SPAG16: variants seen among roughly 807,000 people sequenced by gnomAD.
SPAG16 encodes the protein sperm associated antigen 16, also known as sperm-associated antigen 16 protein.
Under a neutral mutation model 80.4 loss-of-function variants are expected in SPAG16, and 86 were observed. The ratio of observed to expected loss-of-function variants is 1.07; its 90% CI spans 0.90 to 1.28. SPAG16 has a LOEUF of 1.28. SPAG16 is among the 50% of genes most tolerant of loss of function. The pLI is 0.00. For synonymous variants in SPAG16, 294 were observed against 265.9 expected, an observed-to-expected ratio of 1.11 and a Z score of -1.03; for missense variants, 870 against 765.3, an observed-to-expected ratio of 1.14 and a Z score of -1.61.
At chr2:213,793,683 A>G (rs776447395) in intron 10 of SPAG16, among the ~76,000 whole-genome samples, 1 of 152,240 alleles carries the variant, frequency 6.6e-6, no homozygotes, top group Non-Finnish European at 1.5e-5. Flanking sequence ...TCTCTAAAAG[A>G]TGTTAAATGA....
chr2:213,504,525 A>G (rs1047443244), intron 10 of SPAG16, among the ~76,000 whole-genome samples: 2 of 152,132 alleles, frequency 1.3e-5, no homozygotes, highest in African/African-American at 4.8e-5. Context: ...GGATTTCTTT[A>G]TATGCCTAGT....
chr2:214,295,394 C>T (rs1161856108), intron 15 of SPAG16, among the ~76,000 whole-genome samples: 1 of 151,946 alleles, frequency 6.6e-6, no homozygotes, highest in Non-Finnish European at 1.5e-5. Context: ...ATTTATTAAG[C>T]GTATTTTTTT....
intron 8 of SPAG16, among the ~76,000 whole-genome samples, chr2:213,367,946 T>C (rs1446112331): frequency 2.8e-5 from 4 of 145,290 alleles, no homozygotes; most frequent in Non-Finnish European, 4.5e-5. Flanking sequence ...CTTTAATCCA[T>C]CTTGAATTAA....
chr2:213,305,737 T>C (rs1445039699), intron 3 of SPAG16, among the ~76,000 whole-genome samples: 1 of 152,150 alleles, frequency 6.6e-6, no homozygotes, highest in Admixed American at 6.5e-5. Context: ...ACCTTTTTAA[T>C]GTGTTGTTGA....
chr2:213,898,052 C>T (rs756167128), intron 11 of SPAG16, among the ~76,000 whole-genome samples: 7 of 152,068 alleles, frequency 4.6e-5, no homozygotes, highest in African/African-American at 9.7e-5. Context: ...TTTTGGCAAA[C>T]GGCCTTAGTT....
At chr2:214,367,714 A>G (rs891246725) in intron 15 of SPAG16, among the ~76,000 whole-genome samples, 6 of 151,958 alleles carry the variant, frequency 3.9e-5, no homozygotes, top group Admixed American at 1.3e-4. Context: ...ATATAAATAT[A>G]CTCCCAACTC....
At chr2:214,326,555 T>G (rs1476310174) in intron 15 of SPAG16, among the ~76,000 whole-genome samples, 1 of 151,708 alleles carries the variant, frequency 6.6e-6, no homozygotes, top group African/African-American at 2.4e-5. Context: ...GAAATCATAA[T>G]AAGAAGAGAG....
chr2:214,053,903 G>A (rs944885917), intron 13 of SPAG16, among the ~76,000 whole-genome samples: 1 of 152,164 alleles, frequency 6.6e-6, no homozygotes, highest in Non-Finnish European at 1.5e-5. Context: ...TGTCATTAAT[G>A]ATAGATAAGA....
chr2:213,660,146 G>T (rs1448416976), intron 10 of SPAG16, among the ~76,000 whole-genome samples: 1 of 152,142 alleles, frequency 6.6e-6, no homozygotes, highest in Admixed American at 6.5e-5. Flanking sequence ...AAGAAATATG[G>T]CAAAAGGAAG....
chr2:213,686,674 CTTTTTTTTTTTT>C (rs748200040), intron 10 of SPAG16, among the ~76,000 whole-genome samples: 5 of 86,106 alleles, frequency 5.8e-5, no homozygotes, highest in Admixed American at 1.4e-4. Flanking sequence ...ATTAATCCAC[CTTTTTTTTTTTT>C]TTTTTTTTTT....
chr2:213,550,371 G>T (rs1487756402), intron 10 of SPAG16, among the ~76,000 whole-genome samples: 1 of 151,658 alleles, frequency 6.6e-6, no homozygotes, highest in Non-Finnish European at 1.5e-5. Flanking sequence ...CAAATTATGC[G>T]CTTTTAATGT....
rs181105748 is a variant in SPAG16, at chr2:214,269,896, A to C, written c.1720+120630A>C. ...TCTATTTATCTTTAAAATTGAACTT[A>C]TCCTGAAATGTTTGCTTAAAGGCAA... On this transcript the variant is annotated intron_variant, in intron 15 of 15. Coordinates refer to ENST00000331683, the MANE Select transcript of SPAG16 (RefSeq NM_024532.5). Among the ~76,000 whole-genome samples, 262 of 152,256 alleles carry C rather than the reference A, an allele frequency of 1.7e-3. 2 individuals carry two copies. The highest frequency in any genetic ancestry group is 5.7e-3 in the African/African-American group (236 of 41,558).
intron 10 of SPAG16, among the ~76,000 whole-genome samples, chr2:213,823,445 C>G (rs1158110485): frequency 2.0e-5 from 3 of 152,172 alleles, no homozygotes; most frequent in Non-Finnish European, 2.9e-5. Flanking sequence ...ACCACAATCT[C>G]TGCCTCCCAA....
At chr2:213,992,648 A>G (rs2046340980) in intron 12 of SPAG16, among the ~76,000 whole-genome samples, 1 of 152,184 alleles carries the variant, frequency 6.6e-6, no homozygotes, top group African/African-American at 2.4e-5. Context: ...AATTAAGCAG[A>G]CTAGTACCGA....
intron 9 of SPAG16, among the ~76,000 whole-genome samples, chr2:213,459,459 G>T (rs17751591): frequency 0.023 from 3,572 of 152,272 alleles, 58 homozygotes; most frequent in South Asian, 0.038. Flanking sequence ...TTAATCCAAT[G>T]GGTGATTGAG....
chr2:214,070,468 A>G (rs996479167), intron 13 of SPAG16, among the ~76,000 whole-genome samples: 4 of 152,100 alleles, frequency 2.6e-5, no homozygotes, highest in African/African-American at 7.2e-5. Context: ...GCTTTGAATT[A>G]TGTGATTTAT....
At chr2:213,655,034 A>ATAC (rs1001304702) in intron 10 of SPAG16, among the ~76,000 whole-genome samples, 1 of 152,220 alleles carries the variant, frequency 6.6e-6, no homozygotes, top group Non-Finnish European at 1.5e-5. Context: ...ACTCCATATG[A>ATAC]TACTACAATG....
At chr2:213,477,955 A>T (rs1188453405) in intron 9 of SPAG16, among the ~76,000 whole-genome samples, 2 of 152,112 alleles carry the variant, frequency 1.3e-5, no homozygotes, top group Non-Finnish European at 1.5e-5. Flanking sequence ...AAAGAGGTGG[A>T]GATAATTGAC....
intron 15 of SPAG16, among the ~76,000 whole-genome samples, chr2:214,274,985 G>C (rs1320997315): frequency 2.6e-5 from 4 of 152,114 alleles, no homozygotes; most frequent in African/African-American, 7.2e-5. Flanking sequence ...CCTGTGATTG[G>C]TGTATTCAGA....
Sources: allele counts gnomAD v4.1 joint callset (sites outside exome capture counted in the v4.1 genomes callset), GRCh38; gene constraint gnomAD v4.1.1; transcripts MANE v1.5; gene names NCBI Gene and HGNC (gene_info 2026-07-23, HGNC 2026-07-21).